The following CDK19 variants were observed in gnomAD, a reference collection of about 807,000 sequenced individuals.
CDK19 encodes cyclin-dependent kinase 19.
CDK19 carries 20 observed loss-of-function variants against 68.3 expected under a neutral mutation model. The observed-to-expected ratio is 0.29, with a 90% CI of 0.21 to 0.43. CDK19 has a LOEUF of 0.43. CDK19 is among the 20% of genes least tolerant of loss of function. CDK19 has a pLI of 1.00. For missense variants in CDK19, 339 were observed against 623.5 expected, an observed-to-expected ratio of 0.54 and a Z score of 4.86; for synonymous variants, 221 against 222.8, an observed-to-expected ratio of 0.99 and a Z score of 0.07.
intron 1 of CDK19, among the ~76,000 whole-genome samples, chr6:110,793,546 T>C (rs990113297): frequency 2.0e-5 from 3 of 152,236 alleles, no homozygotes; most frequent in Non-Finnish European, 4.4e-5. Flanking sequence ...ATTGTACTTA[T>C]CATTAAGAAT....
chr6:110,743,002 A>G (rs1583001882), intron 2 of CDK19, among the ~76,000 whole-genome samples: 1 of 152,230 alleles, frequency 6.6e-6, no homozygotes, highest in South Asian at 2.1e-4. Flanking sequence ...GACATCACAG[A>G]CCTACCGATA....
chr6:110,742,377 C>T (rs998028190), intron 2 of CDK19, among the ~76,000 whole-genome samples: 5 of 152,120 alleles, frequency 3.3e-5, no homozygotes, highest in African/African-American at 1.2e-4. Context: ...CACCTCAGGA[C>T]CACTATTGTA....
At chr6:110,635,696 C>T (rs1056639899) in intron 5 of CDK19, among the ~76,000 whole-genome samples, 6 of 152,216 alleles carry the variant, frequency 3.9e-5, no homozygotes, top group Admixed American at 6.5e-5. Flanking sequence ...CGCACCACCA[C>T]GCCCAGCTAA....
chr6:110,786,636 T>C (rs570502597), intron 1 of CDK19, among the ~76,000 whole-genome samples: 62 of 148,178 alleles, frequency 4.2e-4, no homozygotes, highest in Admixed American at 2.2e-3. Context: ...GACCCACTGA[T>C]CTACAGGCTA....
chr6:110,792,817 T>TA (rs1291255508), intron 1 of CDK19, among the ~76,000 whole-genome samples: 4 of 152,218 alleles, frequency 2.6e-5, no homozygotes, highest in Non-Finnish European at 1.5e-5. Context: ...TTTTATTTAC[T>TA]AACTTAACCT....
intron 1 of CDK19, among the ~76,000 whole-genome samples, chr6:110,772,990 C>A (rs1780139327): frequency 7.0e-6 from 1 of 142,548 alleles, no homozygotes; most frequent in African/African-American, 2.6e-5. Flanking sequence ...CTAAGGCGGG[C>A]AGATCGCTTG....
chr6:110,747,743 T>C (rs548628564), intron 1 of CDK19, among the ~76,000 whole-genome samples: 1 of 152,316 alleles, frequency 6.6e-6, no homozygotes, highest in Non-Finnish European at 1.5e-5. Context: ...AAAAGCAAAG[T>C]CAAAAATAAG....
intron 4 of CDK19, among the ~76,000 whole-genome samples, chr6:110,647,047 C>T (rs1780642004): frequency 6.6e-6 from 1 of 152,028 alleles, no homozygotes; most frequent in African/African-American, 2.4e-5. Context: ...TCACCCACCA[C>T]GACCCGACAC....
intron 4 of CDK19, among the ~76,000 whole-genome samples, chr6:110,666,424 CAAAAAAAAAAAAA>C (rs57791161): frequency 0.12 from 5,861 of 48,090 alleles, 161 homozygotes; most frequent in Middle Eastern, 0.35. Flanking sequence ...GACTCTGTCT[CAAAAAAAAAAAAA>C]AAAAAAAAAA....
intron 2 of CDK19, among the ~76,000 whole-genome samples, chr6:110,704,277 C>T (rs996415088): frequency 1.3e-5 from 2 of 152,134 alleles, no homozygotes; most frequent in South Asian, 4.1e-4. Context: ...ATTAACACAG[C>T]AACCAAACCA....
chr6:110,785,453 A>G (rs1474713367), intron 1 of CDK19, among the ~76,000 whole-genome samples: 1 of 152,226 alleles, frequency 6.6e-6, no homozygotes. Context: ...CTGTATTCTT[A>G]CAATAAAGTA....
At chr6:110,640,150 G>A (rs1780042633) in intron 4 of CDK19, among the ~76,000 whole-genome samples, 1 of 146,884 alleles carries the variant, frequency 6.8e-6, no homozygotes, top group Admixed American at 7.1e-5. Context: ...GAGTCTAGCA[G>A]ATTGAGGCTA....
At chr6:110,798,267 G>A (rs1011894671) in intron 1 of CDK19, among the ~76,000 whole-genome samples, 1 of 152,034 alleles carries the variant, frequency 6.6e-6, no homozygotes. Context: ...AAAGAAAAAT[G>A]AGGAAAACAA....
At chr6:110,750,376 C>T (rs1442399909) in intron 1 of CDK19, among the ~76,000 whole-genome samples, 1 of 151,922 alleles carries the variant, frequency 6.6e-6, no homozygotes, top group South Asian at 2.1e-4. Context: ...ACCAGCTCTT[C>T]CAATTCTTCA....
intron 1 of CDK19, among the ~76,000 whole-genome samples, chr6:110,764,952 AAAATAAAT>A (rs57218365): frequency 7.1e-6 from 1 of 141,046 alleles, no homozygotes; most frequent in African/African-American, 2.6e-5. Context: ...CTCCATCTCA[AAAATAAAT>A]AAATAAATAA....
chr6:110,621,157 G>T lies in CDK19; in HGVS notation c.1324C>A (p.Leu442Ile). 1 of 1,614,196 alleles carries T rather than the reference G, an allele frequency of 6.2e-7. No individual in the cohort carries two copies. The highest frequency in any genetic ancestry group is 8.5e-7 in the Non-Finnish European group (1 of 1,180,030). Residue 442 changes from leucine (L) to isoleucine (I), a missense_variant, in exon 12 of 13, where the codon CTA becomes ATA. Around this residue, in one of 4 missense-constraint regions of CDK19, gnomAD observed 155 missense variants for 222.7 expected, o/e 0.70. Transcript: ENST00000368911. The surrounding 1 kb of genome is among the most constrained non-coding windows in gnomAD (Gnocchi z 5.4). ...CCTGAGTTTGCGCCTGAAGGCCCTA[G>T]CCGTGGCTTCTTGTTTGGAGGCACC... ...NQVPPNKKPR[L>I]GPSGANSGGP...
chr6:110,696,692 C>G (rs1160357476), intron 2 of CDK19, among the ~76,000 whole-genome samples: 1 of 152,028 alleles, frequency 6.6e-6, no homozygotes, highest in Non-Finnish European at 1.5e-5. Flanking sequence ...GAAGCTGAGG[C>G]AGGCGGATCA....
At position 110,815,140 on chromosome 6, in the gene CDK19, C is replaced by T. The variant is rs564346231; in HGVS notation, c.-4G>A. ...TCGCCTTGAAATCATAATCCATTGT[C>T]TGCTTCCCCCATAGAGGCACGGGAC... On this transcript the variant is annotated 5_prime_UTR_variant, in exon 1 of 13. Coordinates refer to ENST00000368911, the MANE Select transcript of CDK19 (RefSeq NM_015076.5). 1.3e-6 allele frequency: 2 copies of T among 1,591,744 alleles called. No homozygotes were observed. Among genetic ancestry groups the T allele is most frequent in the South Asian group, 2.3e-5 (2 of 88,682 alleles).
At chr6:110,694,723 C>T (rs1427867193) in intron 2 of CDK19, among the ~76,000 whole-genome samples, 1 of 152,200 alleles carries the variant, frequency 6.6e-6, no homozygotes, top group Non-Finnish European at 1.5e-5. Flanking sequence ...GCACATGGAA[C>T]ATTCTCCAAG....
Sources: gnomAD v4.1 joint callset for allele counts (sites outside exome capture counted in the v4.1 genomes callset) on GRCh38, gnomAD v4.1.1 for gene constraint, gnomAD v4.1.1 regional missense constraint, Gnocchi (gnomAD v3.1) non-coding constraint, MANE v1.5 for transcripts, NCBI Gene and HGNC (gene_info 2026-07-23, HGNC 2026-07-21) for gene names.